The following FCHO2 variants were observed in gnomAD, a reference collection of about 807,000 sequenced individuals.
FCHO2 encodes FCH and mu domain containing endocytic adaptor 2.
FCHO2 carries 43 observed loss-of-function variants against 114.1 expected under a neutral mutation model. That is an observed-to-expected ratio of 0.38 (90% CI 0.30 to 0.49). The LOEUF (loss-of-function observed/expected upper bound fraction) is 0.49, where lower values mean the gene tolerates loss of function less well. Among genes scored for constraint, FCHO2 ranks in the 20% least tolerant of loss-of-function variants. The pLI is 0.97. For missense variants in FCHO2, 807 were observed against 950.4 expected (o/e 0.85, Z 1.98); for synonymous variants, 293 against 315.2 (o/e 0.93, Z 0.75).
chr5:73,088,059 G>GT lies in FCHO2; in HGVS notation c.2411-4dup. On this transcript the variant is annotated splice_polypyrimidine_tract_variant and intron_variant, in intron 25 of 25. Coordinates refer to ENST00000430046, the MANE Select transcript of FCHO2 (RefSeq NM_138782.3). ...TTGTAATTGCAAAGGTCTGCTTGGC[G>GT]TTTTTCAGGACGATACCTGGCGGAT... 6.2e-7 allele frequency: 1 copy of GT among 1,613,450 alleles called. No individual in the cohort carries two copies. The highest frequency in any genetic ancestry group is 2.2e-5 in the East Asian group (1 of 44,854).
intron 1 of FCHO2, among the ~76,000 whole-genome samples, chr5:72,964,242 A>G (rs1213045632): frequency 4.6e-5 from 7 of 152,196 alleles, no homozygotes; most frequent in Non-Finnish European, 1.0e-4. Context: ...AATATAAAAG[A>G]TTAGGGAAGA....
At chr5:73,040,507 T>C (rs1307252591) in intron 10 of FCHO2, among the ~76,000 whole-genome samples, 1 of 152,224 alleles carries the variant, frequency 6.6e-6, no homozygotes, top group Non-Finnish European at 1.5e-5. Context: ...TACATGGAAA[T>C]TCTTCTAACC....
intron 2 of FCHO2, among the ~76,000 whole-genome samples, chr5:72,972,780 AG>A (rs1752634047): frequency 6.6e-6 from 1 of 152,062 alleles, no homozygotes; most frequent in Non-Finnish European, 1.5e-5. Context: ...GTCTTGTGCC[AG>A]TTTTCAAAGG....
chr5:73,067,307 CT>C (rs886139381), intron 18 of FCHO2, among the ~76,000 whole-genome samples: 1 of 152,006 alleles, frequency 6.6e-6, no homozygotes, highest in African/African-American at 2.4e-5. Flanking sequence ...GATCTCAAGA[CT>C]TTTTCCAAGC....
At chr5:72,974,802 T>C (rs1334316788) in intron 2 of FCHO2, among the ~76,000 whole-genome samples, 16 of 152,180 alleles carry the variant, frequency 1.1e-4, no homozygotes. Flanking sequence ...CTAGTCTTGA[T>C]GGTCTTTACA....
At chr5:72,958,251 T>A (rs1438222725) in intron 1 of FCHO2, among the ~76,000 whole-genome samples, 1 of 152,212 alleles carries the variant, frequency 6.6e-6, no homozygotes, top group Admixed American at 6.5e-5. Context: ...AACCCAAAAA[T>A]TATTTGCCTA....
intron 8 of FCHO2, among the ~76,000 whole-genome samples, chr5:73,029,970 A>T (rs1474387793): frequency 6.0e-5 from 9 of 151,160 alleles, no homozygotes. Flanking sequence ...TACAAGAATT[A>T]TTTTTGGACA....
chr5:73,019,130 A>G (rs1015123758), intron 8 of FCHO2, among the ~76,000 whole-genome samples: 3 of 152,240 alleles, frequency 2.0e-5, no homozygotes, highest in African/African-American at 4.8e-5. Flanking sequence ...GCAGTGGTCT[A>G]TACAAGGAAG....
chr5:73,052,231 G>C lies in FCHO2; in HGVS notation c.998-101G>C. 3 of 1,226,312 alleles carry C rather than the reference G, an allele frequency of 2.4e-6. No homozygotes were observed. In the East Asian group the frequency reaches 7.6e-5, roughly 31 times the overall value. 76.0% of individuals were successfully genotyped at this position (1,226,312 alleles called of 1,614,324 possible). Reference sequence around the variant, plus strand: ...AGCCGTCGCACCCGGCCCAAAGTCTGTGTAACTCTTAAAGGTTTCATTCCT... The same window carrying C: ...AGCCGTCGCACCCGGCCCAAAGTCTCTGTAACTCTTAAAGGTTTCATTCCT... On this transcript the variant is annotated intron_variant, in intron 12 of 25. Transcript: ENST00000430046.
intron 2 of FCHO2, among the ~76,000 whole-genome samples, chr5:72,976,120 A>G (rs1752853613): frequency 6.6e-6 from 1 of 152,148 alleles, no homozygotes; most frequent in African/African-American, 2.4e-5. Flanking sequence ...ATTGCCCCAC[A>G]TCCTTGCCAG....
intron 12 of FCHO2, among the ~76,000 whole-genome samples, chr5:73,051,862 G>A (rs1356982699): frequency 6.6e-6 from 1 of 151,676 alleles, no homozygotes; most frequent in Non-Finnish European, 1.5e-5. Flanking sequence ...GAGCTAACCC[G>A]ACTGGCCTTG....
chr5:73,078,206 C>CA lies in FCHO2; in HGVS notation c.1878dup (p.Asp627ArgfsTer27). On this transcript the variant is annotated frameshift_variant, in exon 22 of 26. Transcript: ENST00000430046. LOFTEE classifies it high-confidence loss of function. ...GATCCATCACAATGTGATTCCAACA[C>CA]AAAAGATTTTTGGATGAACATGCAA... 1 of 1,571,344 alleles carries CA rather than the reference C, an allele frequency of 6.4e-7. No individual in the cohort carries two copies. Among genetic ancestry groups the CA allele is most frequent in the Non-Finnish European group, 8.6e-7 (1 of 1,158,872 alleles).
At chr5:73,024,448 A>G (rs1352242448) in intron 8 of FCHO2, among the ~76,000 whole-genome samples, 1 of 141,796 alleles carries the variant, frequency 7.1e-6, no homozygotes, top group African/African-American at 2.6e-5. Flanking sequence ...TTTATGTTTT[A>G]TTTTTTTTGG....
At chr5:73,032,095 G>C (rs1756267212) in intron 8 of FCHO2, among the ~76,000 whole-genome samples, 1 of 152,204 alleles carries the variant, frequency 6.6e-6, no homozygotes, top group African/African-American at 2.4e-5. Context: ...ATGCTACAGG[G>C]GGGGTCAGAA....
chr5:72,957,120 A>G (rs1420138993), intron 1 of FCHO2, among the ~76,000 whole-genome samples: 1 of 152,200 alleles, frequency 6.6e-6, no homozygotes, highest in African/African-American at 2.4e-5. Flanking sequence ...TTGGTTAGTA[A>G]TCAGATCAGT....
intron 1 of FCHO2, among the ~76,000 whole-genome samples, chr5:72,960,506 T>C (rs1462649204): frequency 1.3e-5 from 2 of 152,192 alleles, no homozygotes; most frequent in African/African-American, 4.8e-5. Context: ...TTATCTTTAT[T>C]TTTACATATT....
intron 1 of FCHO2, among the ~76,000 whole-genome samples, chr5:72,956,431 G>A (rs1245315768): frequency 1.3e-5 from 2 of 151,658 alleles, no homozygotes; most frequent in African/African-American, 4.8e-5. Flanking sequence ...CAGCCCCACC[G>A]GAGGCTCCCG....
intron 8 of FCHO2, among the ~76,000 whole-genome samples, chr5:73,026,238 A>C (rs1755908493): frequency 6.6e-6 from 1 of 152,166 alleles, no homozygotes; most frequent in Admixed American, 6.5e-5. Flanking sequence ...AGGTGGGTGG[A>C]TCACCTGGAA....
At chr5:73,082,872 A>G in intron 24 of FCHO2, 47 bp downstream of exon 24, 1 of 1,469,900 alleles carries the variant, frequency 6.8e-7, no homozygotes, top group East Asian at 2.4e-5. Flanking sequence ...GTCACTGAAA[A>G]TTGATTTTTT....
Sources: gnomAD v4.1 joint callset for allele counts (sites outside exome capture counted in the v4.1 genomes callset) on GRCh38, gnomAD v4.1.1 for gene constraint, MANE v1.5 for transcripts, NCBI Gene and HGNC (gene_info 2026-07-23, HGNC 2026-07-21) for gene names.